DSCAML1: variants seen among roughly 807,000 people sequenced by gnomAD.
The protein encoded by DSCAML1 is cell adhesion molecule DSCAML1.
In DSCAML1, 38 loss-of-function variants were observed where a neutral mutation model predicts 200.5. The ratio of observed to expected loss-of-function variants is 0.19; its 90% CI spans 0.15 to 0.25. DSCAML1 has a LOEUF of 0.25. Among genes scored for constraint, DSCAML1 ranks in the 10% least tolerant of loss-of-function variants. DSCAML1 has a pLI of 1.00. For synonymous variants in DSCAML1, 1,215 were observed against 1,165.0 expected, an observed-to-expected ratio of 1.04 and a Z score of -0.87; for missense variants, 2,223 against 2,858.8, an observed-to-expected ratio of 0.78 and a Z score of 5.07.
intron 3 of DSCAML1, among the ~76,000 whole-genome samples, chr11:117,587,136 A>T (rs987159655): frequency 3.3e-5 from 5 of 151,932 alleles, no homozygotes; most frequent in Non-Finnish European, 1.5e-5. Flanking sequence ...CCCCTCAGAG[A>T]TGGCTGCTTA....
chr11:117,687,422 G>A (rs1439537392), intron 3 of DSCAML1, among the ~76,000 whole-genome samples: 1 of 86,912 alleles, frequency 1.2e-5, no homozygotes, highest in African/African-American at 6.0e-5. Context: ...CACCATGCCT[G>A]GCTATTTTTT....
chr11:117,748,009 A>T (rs1278294805), intron 3 of DSCAML1, among the ~76,000 whole-genome samples: 2 of 152,140 alleles, frequency 1.3e-5, no homozygotes, highest in African/African-American at 4.8e-5. Context: ...CAAGTCCCAT[A>T]AAATGCCAAG....
intron 3 of DSCAML1, among the ~76,000 whole-genome samples, chr11:117,706,757 A>G (rs1320413730): frequency 6.6e-6 from 1 of 152,212 alleles, no homozygotes; most frequent in East Asian, 1.9e-4. Context: ...TCAATTATCA[A>G]AACCACCTTG....
chr11:117,535,247 T>C (rs2050145184), intron 3 of DSCAML1, among the ~76,000 whole-genome samples: 2 of 152,238 alleles, frequency 1.3e-5, no homozygotes, highest in Admixed American at 1.3e-4. Context: ...GCCCTGTCTC[T>C]GTGAGCTGCT....
At chr11:117,582,105 G>C (rs531728890) in intron 3 of DSCAML1, among the ~76,000 whole-genome samples, 98 of 152,250 alleles carry the variant, frequency 6.4e-4, no homozygotes, top group African/African-American at 1.9e-3. Flanking sequence ...GGACAAGAAG[G>C]GTATCTGGGA....
intron 3 of DSCAML1, among the ~76,000 whole-genome samples, chr11:117,598,788 AT>A (rs1227788280): frequency 6.6e-6 from 1 of 152,216 alleles, no homozygotes; most frequent in Non-Finnish European, 1.5e-5. Context: ...CGAGTTTGTC[AT>A]GATCTCAAAA....
chr11:117,650,339 C>T (rs986224594), intron 3 of DSCAML1, among the ~76,000 whole-genome samples: 16 of 152,176 alleles, frequency 1.1e-4, no homozygotes, highest in South Asian at 4.1e-4. Flanking sequence ...GAGGATAGGG[C>T]CCGGGTTTCT....
chr11:117,639,675 C>A (rs1049974037), intron 3 of DSCAML1, among the ~76,000 whole-genome samples: 1 of 152,080 alleles, frequency 6.6e-6, no homozygotes, highest in African/African-American at 2.4e-5. Context: ...AGACGGTAGG[C>A]TTGTCTTCGT....
intron 1 of DSCAML1, among the ~76,000 whole-genome samples, chr11:117,810,219 G>A (rs758690623): frequency 5.3e-5 from 8 of 150,088 alleles, no homozygotes; most frequent in Non-Finnish European, 1.2e-4. Flanking sequence ...CCAAAACTCC[G>A]TGGACCCAAA....
chr11:117,685,097 T>C (rs2053382693), intron 3 of DSCAML1, among the ~76,000 whole-genome samples: 1 of 152,216 alleles, frequency 6.6e-6, no homozygotes, highest in Non-Finnish European at 1.5e-5. Context: ...TCGAGGCACC[T>C]AGGGATCTCC....
At chr11:117,535,718 T>C (rs535954045) in intron 3 of DSCAML1, among the ~76,000 whole-genome samples, 66 of 152,028 alleles carry the variant, frequency 4.3e-4, no homozygotes, top group African/African-American at 1.4e-3. Flanking sequence ...TTGCTGCCAA[T>C]CAGAAGTGCC....
At chr11:117,747,228 G>A (rs554173422) in intron 3 of DSCAML1, among the ~76,000 whole-genome samples, 4 of 152,054 alleles carry the variant, frequency 2.6e-5, no homozygotes, top group Admixed American at 6.6e-5. Flanking sequence ...TCCCCTAACC[G>A]GTGTTCTCTC....
At position 117,632,622 on chromosome 11, in the gene DSCAML1, T is replaced by C. The variant is rs1247992813; in HGVS notation, c.512-100100A>G. 2.0e-5 allele frequency among the ~76,000 whole-genome samples: 3 copies of C among 152,162 alleles called. No individual in the cohort carries two copies. The East Asian group carries it at 5.8e-4, about 29-fold the overall frequency. On this transcript the variant is annotated intron_variant, in intron 3 of 32. Transcript: ENST00000651296. ...AAGTAGGAGCCGTAGTAGACTTGCT[T>C]TGAGTTTTATGGCATGGCCCTGATA...
intron 4 of DSCAML1, among the ~76,000 whole-genome samples, chr11:117,530,861 C>A (rs905576489): frequency 2.0e-5 from 3 of 152,154 alleles, no homozygotes; most frequent in Admixed American, 6.5e-5. Context: ...AGTCTAATCC[C>A]AAAAGCCGGG....
chr11:117,477,349 AGTGTGTGTGTGTGTGT>A (rs5795087), intron 14 of DSCAML1, among the ~76,000 whole-genome samples: 57 of 140,216 alleles, frequency 4.1e-4, no homozygotes, highest in East Asian at 1.5e-3. Flanking sequence ...TGGTTCTGAA[AGTGTGTGTGTGTGTGT>A]GTGTGTGTGT....
At chr11:117,606,300 G>T (rs2051564764) in intron 3 of DSCAML1, among the ~76,000 whole-genome samples, 1 of 152,126 alleles carries the variant, frequency 6.6e-6, no homozygotes, top group Non-Finnish European at 1.5e-5. Flanking sequence ...GGCTTCCATG[G>T]CCCTGGAGAA....
intron 21 of DSCAML1, among the ~76,000 whole-genome samples, chr11:117,440,489 G>A (rs1013223268): frequency 1.3e-5 from 2 of 152,200 alleles, no homozygotes; most frequent in African/African-American, 4.8e-5. Context: ...AGCTGTGAGG[G>A]TTTGCAAATA....
chr11:117,568,309 G>A (rs2050790053), intron 3 of DSCAML1, among the ~76,000 whole-genome samples: 1 of 151,958 alleles, frequency 6.6e-6, no homozygotes, highest in Non-Finnish European at 1.5e-5. Flanking sequence ...TTTGAAAACG[G>A]GCACAAGACA....
At chr11:117,601,389 C>T (rs1272129899) in intron 3 of DSCAML1, among the ~76,000 whole-genome samples, 2 of 152,144 alleles carry the variant, frequency 1.3e-5, no homozygotes, top group South Asian at 2.1e-4. Flanking sequence ...GCAGGGAGAC[C>T]GACCTTCACC....
Sources: gnomAD v4.1 joint callset for allele counts (sites outside exome capture counted in the v4.1 genomes callset) on GRCh38, gnomAD v4.1.1 for gene constraint, MANE v1.5 for transcripts, NCBI Gene and HGNC (gene_info 2026-07-23, HGNC 2026-07-21) for gene names.